The following DDX60 variants were observed in gnomAD, a reference collection of about 807,000 sequenced individuals.
The protein encoded by DDX60 is probable ATP-dependent RNA helicase DDX60.
A neutral mutation model predicts 212.8 loss-of-function variants in DDX60; 165 were observed. The ratio of observed to expected loss-of-function variants is 0.78; its 90% CI spans 0.68 to 0.88. The LOEUF (loss-of-function observed/expected upper bound fraction) is 0.88. DDX60 is among the 40% of genes least tolerant of loss of function. The pLI is 0.00. For missense variants in DDX60, 1,905 were observed against 2,003.9 expected (o/e 0.95, Z 0.94); for synonymous variants, 703 against 685.3 (o/e 1.03, Z -0.40).
chr4:168,313,000 C>A (rs1737208575), intron 1 of DDX60, among the ~76,000 whole-genome samples: 1 of 152,164 alleles, frequency 6.6e-6, no homozygotes, highest in Non-Finnish European at 1.5e-5. Context: ...CTACACTTTA[C>A]AAAACATTGT....
chr4:168,261,809 C>T (rs577861163), intron 24 of DDX60, among the ~76,000 whole-genome samples, 191 bp downstream of exon 24: 2 of 152,250 alleles, frequency 1.3e-5, no homozygotes, highest in African/African-American at 4.8e-5. Context: ...TCAGAAGACA[C>T]TGAGGATAAG....
rs142535741 is a variant in DDX60, at chr4:168,273,355, G to A, written c.2498C>T (p.Thr833Met). ...AACTTCACCACTTGGCAGATTTTTC[G>A]TAAAACGATTCTGAACAGTTGCTGC... ...QVAATVQNRF[T>M]KNLPSGEVLC... The change falls in exon 18 of 38, where the codon ACG (threonine) becomes ATG (methionine). Residue 833 changes from threonine to methionine, a missense_variant. By Grantham distance (81) the Thr-to-Met change is moderately conservative. Coordinates refer to ENST00000393743, the MANE Select transcript of DDX60 (RefSeq NM_017631.6). 74 of 1,613,654 alleles carry A rather than the reference G, an allele frequency of 4.6e-5. No individual in the cohort carries two copies. The highest frequency in any genetic ancestry group is 1.6e-4 in the Middle Eastern group (1 of 6,080).
chr4:168,220,036 CA>C (rs201747086), intron 37 of DDX60, among the ~76,000 whole-genome samples: 13 of 141,464 alleles, frequency 9.2e-5, no homozygotes, highest in East Asian at 4.1e-4. Flanking sequence ...AATTCTGTCT[CA>C]AAAAAAAAAG....
At position 168,306,672 on chromosome 4, in the gene DDX60, T is replaced by C; in HGVS notation, c.313A>G (p.Thr105Ala). 1 of 1,614,018 alleles carries C rather than the reference T, an allele frequency of 6.2e-7. No homozygotes were observed. The change falls in exon 5 of 38, where the codon ACT becomes GCT. Residue 105 changes from threonine to alanine, a missense_variant. By Grantham distance (58) the Thr-to-Ala change is moderately conservative. Coordinates refer to ENST00000393743, the MANE Select transcript of DDX60 (RefSeq NM_017631.6). ...TTCTGAAGATGAAGAATTAAAGCAG[T>C]TCTCAAAGAAAGAAGTTCAGGGAAG... The part of the protein sequence containing the change: ...FNFPELLSLR[T>A]ALILHLQKNT...
At chr4:168,235,347 G>A (rs550131401) in intron 33 of DDX60, among the ~76,000 whole-genome samples, 127 of 151,890 alleles carry the variant, frequency 8.4e-4, no homozygotes, top group African/African-American at 2.9e-3. Context: ...AACATTTCAC[G>A]CAGATCTGTC....
At chr4:168,224,613 T>C (rs1733184298) in intron 34 of DDX60, among the ~76,000 whole-genome samples, 1 of 152,000 alleles carries the variant, frequency 6.6e-6, no homozygotes, top group Non-Finnish European at 1.5e-5. Flanking sequence ...AAAATGTGTA[T>C]TATATTTTAG....
intron 33 of DDX60, among the ~76,000 whole-genome samples, chr4:168,234,178 G>C (rs1446688248): frequency 6.6e-6 from 1 of 152,014 alleles, no homozygotes; most frequent in African/African-American, 2.4e-5. Context: ...CAGCAGTTTA[G>C]CTTAATGTTT....
intron 6 of DDX60, among the ~76,000 whole-genome samples, chr4:168,299,260 A>T (rs146947725): frequency 6.6e-6 from 1 of 152,152 alleles, no homozygotes; most frequent in East Asian, 1.9e-4. Context: ...ATACAAACTA[A>T]AATTACAGAA....
At chr4:168,308,506 T>G (rs1331727999) in intron 3 of DDX60, among the ~76,000 whole-genome samples, 1 of 151,960 alleles carries the variant, frequency 6.6e-6, no homozygotes, top group African/African-American at 2.4e-5. Context: ...TATTTTATGC[T>G]TAATCAACCT....
intron 13 of DDX60, among the ~76,000 whole-genome samples, chr4:168,282,447 G>A (rs1331777278): frequency 1.3e-5 from 2 of 152,286 alleles, no homozygotes; most frequent in Admixed American, 6.5e-5. Context: ...TTATTCAGAA[G>A]TGAAAATAAA....
At chr4:168,297,654 G>A (rs1736464086) in intron 6 of DDX60, among the ~76,000 whole-genome samples, 1 of 152,146 alleles carries the variant, frequency 6.6e-6, no homozygotes, top group South Asian at 2.1e-4. Flanking sequence ...AGGTGCGGTG[G>A]CTCATGCCTA....
rs755474306 is a variant in DDX60 at position 168,246,439 on chromosome 4, G to A, written c.4143C>T (p.Asp1381=). 1.2e-6 allele frequency: 2 copies of A among 1,614,022 alleles called. No individual in the cohort carries two copies. The highest frequency in any genetic ancestry group is 3.3e-5 in the Admixed American group (2 of 59,996). ...GTACCTTTGCCTTGGCATCCTCTGGGTCATCTCCCTTGGAAGCCAGCAGCA... is the reference window on the plus strand; with the variant it reads ...GTACCTTTGCCTTGGCATCCTCTGGATCATCTCCCTTGGAAGCCAGCAGCA... ...RLMLLASKGD[D]PEDAKAKVLS... Residue 1381 remains aspartate (D), a synonymous_variant, in exon 30 of 38, where the codon GAC becomes GAT. Transcript: ENST00000393743.
At chr4:168,307,208 C>T (rs74878464) in intron 4 of DDX60, among the ~76,000 whole-genome samples, 5,955 of 152,114 alleles carry the variant, frequency 0.039, 160 homozygotes, top group Non-Finnish European at 0.059. Flanking sequence ...TTACACAAAA[C>T]ATGGCTGGCA....
the DDX60 span, among the ~76,000 whole-genome samples, chr4:168,324,299 G>GGT: frequency 2.6e-5 from 4 of 152,194 alleles, no homozygotes; most frequent in African/African-American, 9.7e-5. Flanking sequence ...CCAACACAAT[G>GGT]GTGTACAGTA....
chr4:168,233,857 A>C (rs1211586439), intron 33 of DDX60, among the ~76,000 whole-genome samples: 1 of 152,114 alleles, frequency 6.6e-6, no homozygotes, highest in Non-Finnish European at 1.5e-5. Flanking sequence ...AACCTACTGA[A>C]ATAAAAAAAA....
At chr4:168,259,704 T>C (rs572241583) in intron 25 of DDX60, among the ~76,000 whole-genome samples, 241 of 150,400 alleles carry the variant, frequency 1.6e-3, no homozygotes, top group Non-Finnish European at 2.8e-3. Flanking sequence ...ATCTAGTATG[T>C]TATCCATTTA....
At chr4:168,249,040 G>A (rs750098621) in intron 28 of DDX60, among the ~76,000 whole-genome samples, 3 of 152,286 alleles carry the variant, frequency 2.0e-5, no homozygotes, top group East Asian at 1.9e-4. Context: ...GATTACAGGC[G>A]TGAGCCACTG....
chr4:168,236,432 G>A, intron 32 of DDX60, 59 bp from the exon 33 acceptor site: 5 of 1,413,264 alleles, frequency 3.5e-6, no homozygotes, highest in South Asian at 1.4e-5. Flanking sequence ...ATTTTTTCAT[G>A]TTTAAATGGA....
intron 37 of DDX60, 116 bp from the exon 38 acceptor site, chr4:168,217,148 G>A: frequency 1.6e-6 from 1 of 625,706 alleles, no homozygotes; most frequent in Non-Finnish European, 2.8e-6. Flanking sequence ...AATTATGTTA[G>A]CAAAATATGA....
Sources: allele counts gnomAD v4.1 joint callset (sites outside exome capture counted in the v4.1 genomes callset), GRCh38; gene constraint gnomAD v4.1.1; transcripts MANE v1.5; gene names NCBI Gene and HGNC (gene_info 2026-07-23, HGNC 2026-07-21).